Variants in NPAS3 observed in about 807,000 individuals in gnomAD.
NPAS3 encodes neuronal PAS domain-containing protein 3.
Under a neutral mutation model 73.1 loss-of-function variants are expected in NPAS3, and 14 were observed. The ratio of observed to expected loss-of-function variants is 0.19; its 90% CI spans 0.13 to 0.30. The LOEUF is 0.30. Among genes scored for constraint, NPAS3 ranks in the 10% least tolerant of loss-of-function variants. The pLI is 1.00. For synonymous variants in NPAS3, 620 were observed against 541.5 expected (o/e 1.14, Z -2.01); for missense variants, 1,096 against 1,250.0 (o/e 0.88, Z 1.86).
chr14:33,367,568 G>A (rs1389219753), intron 4 of NPAS3, among the ~76,000 whole-genome samples: 4 of 149,752 alleles, frequency 2.7e-5, no homozygotes, highest in Admixed American at 6.7e-5. Context: ...GGTTGTGTGC[G>A]TGCTGTATTT....
intron 1 of NPAS3, among the ~76,000 whole-genome samples, chr14:32,972,880 C>T (rs1313049308): frequency 6.6e-6 from 1 of 152,196 alleles, no homozygotes; most frequent in Non-Finnish European, 1.5e-5. Context: ...CAAAAAAGCA[C>T]CCTCTCTCAC....
chr14:33,392,439 T>G (rs1028362420), intron 4 of NPAS3, among the ~76,000 whole-genome samples: 1 of 152,178 alleles, frequency 6.6e-6, no homozygotes, highest in African/African-American at 2.4e-5. Flanking sequence ...TGTACCTAGG[T>G]CTGTCGGATG....
chr14:33,137,965 A>G (rs1566599731), intron 2 of NPAS3, among the ~76,000 whole-genome samples: 1 of 152,132 alleles, frequency 6.6e-6, no homozygotes, highest in Non-Finnish European at 1.5e-5. Flanking sequence ...GAGGGTTTTT[A>G]AAATACAAGC....
chr14:33,482,459 G>A (rs1349593087), intron 4 of NPAS3, among the ~76,000 whole-genome samples: 1 of 152,120 alleles, frequency 6.6e-6, no homozygotes, highest in Non-Finnish European at 1.5e-5. Flanking sequence ...ACAGGAAAAT[G>A]TCTTCCCAGT....
intron 1 of NPAS3, among the ~76,000 whole-genome samples, chr14:32,962,568 T>A (rs1458765508): frequency 7.3e-6 from 1 of 136,452 alleles, no homozygotes; most frequent in Non-Finnish European, 1.6e-5. Context: ...TTTTTTCTTT[T>A]CTTTTTTTTT....
intron 5 of NPAS3, among the ~76,000 whole-genome samples, chr14:33,673,397 T>G (rs1231402611): frequency 6.6e-6 from 1 of 152,186 alleles, no homozygotes; most frequent in African/African-American, 2.4e-5. Flanking sequence ...ATTAGTACTT[T>G]TTGCACATAG....
At chr14:32,945,479 C>T (rs1291645650) in intron 1 of NPAS3, among the ~76,000 whole-genome samples, 1 of 152,136 alleles carries the variant, frequency 6.6e-6, no homozygotes, top group African/African-American at 2.4e-5. Flanking sequence ...GTGCTAATAT[C>T]CCCATTTATG....
At chr14:33,020,813 T>G (rs1178355443) in intron 1 of NPAS3, among the ~76,000 whole-genome samples, 1 of 152,036 alleles carries the variant, frequency 6.6e-6, no homozygotes, top group Non-Finnish European at 1.5e-5. Context: ...CAGGCTGGAG[T>G]GCGGTGGCGT....
At chr14:33,428,105 A>G (rs893173681) in intron 4 of NPAS3, among the ~76,000 whole-genome samples, 1 of 152,088 alleles carries the variant, frequency 6.6e-6, no homozygotes, top group African/African-American at 2.4e-5. Context: ...AGGCCTTCCA[A>G]AGAGGTTTTT....
In NPAS3 at chr14:33,041,319, T is replaced by C. The variant is rs1262498223; in HGVS notation, c.51-14586T>C. On this transcript the variant is annotated intron_variant, in intron 1 of 11. Coordinates refer to ENST00000356141, the Ensembl canonical transcript of NPAS3. ...GAACATATTTACTTCCCTGTACCAG[T>C]AGGAAATGAAAAGAGATATTTATGA... Among the ~76,000 whole-genome samples the C allele has an allele frequency of 3.9e-5, 6 of 152,118 alleles. No individual in the cohort carries two copies. The East Asian group carries it at 1.2e-3, about 29-fold the overall frequency.
intron 2 of NPAS3, among the ~76,000 whole-genome samples, chr14:33,071,539 T>G (rs2041485383): frequency 6.6e-6 from 1 of 152,198 alleles, no homozygotes; most frequent in African/African-American, 2.4e-5. Flanking sequence ...TTAAGATTAT[T>G]AAAACAAAGC....
chr14:33,670,256 C>T (rs1003864589), intron 5 of NPAS3, among the ~76,000 whole-genome samples: 7 of 152,168 alleles, frequency 4.6e-5, no homozygotes, highest in South Asian at 2.1e-4. Flanking sequence ...AAAAAGAGAG[C>T]GGATTCGTGT....
intron 2 of NPAS3, among the ~76,000 whole-genome samples, chr14:33,146,017 C>T (rs973856178): frequency 2.0e-5 from 3 of 151,980 alleles, no homozygotes; most frequent in Non-Finnish European, 2.9e-5. Context: ...AGTAAAGAGT[C>T]GCAGATGGTT....
At chr14:33,798,977 CAAAAA>C (rs35096703) in intron 11 of NPAS3, among the ~76,000 whole-genome samples, 2 of 106,240 alleles carry the variant, frequency 1.9e-5, no homozygotes, top group African/African-American at 7.3e-5. Context: ...CCTGTCTCTA[CAAAAA>C]AAAAAAAAAA....
chr14:32,998,131 G>A (rs1202881856), intron 1 of NPAS3, among the ~76,000 whole-genome samples: 1 of 152,178 alleles, frequency 6.6e-6, no homozygotes, highest in Non-Finnish European at 1.5e-5. Flanking sequence ...CAGCCCAAAT[G>A]CTCATCAACA....
chr14:33,085,083 A>G (rs2041979002), intron 2 of NPAS3, among the ~76,000 whole-genome samples: 1 of 152,178 alleles, frequency 6.6e-6, no homozygotes, highest in Admixed American at 6.5e-5. Context: ...GCACATGAAT[A>G]TGGACATTAT....
intron 1 of NPAS3, among the ~76,000 whole-genome samples, chr14:32,994,004 G>A (rs1414891648): frequency 6.6e-6 from 1 of 152,118 alleles, no homozygotes; most frequent in Non-Finnish European, 1.5e-5. Context: ...GGATTTTTAA[G>A]TCAAATTAAT....
rs536482242 is a variant in NPAS3 at position 33,356,516 on chromosome 14, A to G, written c.386-10670A>G. On this transcript the variant is annotated intron_variant, in intron 3 of 11. Coordinates refer to ENST00000356141, the Ensembl canonical transcript of NPAS3. ...CACAGTCTCCTCACAGAATACAAGT[A>G]TCTGACTTAGTTGTGCATTCTCTCT... is the stretch of plus-strand genomic sequence containing the variant. Among the ~76,000 whole-genome samples, 7 of 152,334 alleles carry G rather than the reference A, an allele frequency of 4.6e-5. No individual in the cohort carries two copies. The South Asian group carries it at 8.3e-4, about 18-fold the overall frequency.
intron 3 of NPAS3, among the ~76,000 whole-genome samples, chr14:33,241,829 T>C (rs1185962215): frequency 6.6e-6 from 1 of 152,072 alleles, no homozygotes; most frequent in Admixed American, 6.6e-5. Context: ...CTTGGAGCTT[T>C]ATAAGCATGT....
Sources: allele counts gnomAD v4.1 joint callset (sites outside exome capture counted in the v4.1 genomes callset), GRCh38; gene constraint gnomAD v4.1.1; transcripts MANE v1.5; gene names NCBI Gene and HGNC (gene_info 2026-07-23, HGNC 2026-07-21).